Variants in ITPK1 observed in about 807,000 individuals in gnomAD.
The protein encoded by ITPK1 is inositol-tetrakisphosphate 1-kinase.
A neutral mutation model predicts 45.3 loss-of-function variants in ITPK1; 21 were observed. The ratio of observed to expected loss-of-function variants is 0.46; its 90% CI spans 0.33 to 0.67. The LOEUF is 0.67. Among genes scored for constraint, ITPK1 ranks in the 30% least tolerant of loss-of-function variants. The pLI is 0.02. For missense variants in ITPK1, 474 were observed against 573.5 expected (o/e 0.83, Z 1.77); for synonymous variants, 258 against 253.6 (o/e 1.02, Z -0.16).
At chr14:93,006,135 A>C (rs1408352559) in intron 4 of ITPK1, among the ~76,000 whole-genome samples, 1 of 152,162 alleles carries the variant, frequency 6.6e-6, no homozygotes, top group African/African-American at 2.4e-5. Flanking sequence ...AGGACTGCTG[A>C]GAGCCGAGCA....
Position 93,012,148 on chromosome 14 carries a change from C to T in ITPK1, c.246+4528G>A, listed in dbSNP as rs758219537. On this transcript the variant is annotated intron_variant, in intron 4 of 10. Transcript: ENST00000267615. This position sits in a 1 kb window ranked among gnomAD's most constrained non-coding sequence, Gnocchi z 4.9. Reference sequence around the variant, plus strand: ...CAGCGCATGACCAGCACTGGGCATGCGCCGCCACCCAAACACTTAGGCACT... The same window carrying T: ...CAGCGCATGACCAGCACTGGGCATGTGCCGCCACCCAAACACTTAGGCACT... 1.3e-5 allele frequency among the ~76,000 whole-genome samples: 2 copies of T among 152,182 alleles called. No individual in the cohort carries two copies. Among genetic ancestry groups the T allele is most frequent in the Non-Finnish European group, 2.9e-5 (2 of 68,026 alleles).
intron 5 of ITPK1, among the ~76,000 whole-genome samples, chr14:92,980,812 A>T (rs1470635879): frequency 6.6e-6 from 1 of 152,096 alleles, no homozygotes; most frequent in African/African-American, 2.4e-5. Context: ...AGTTCAAGCA[A>T]TTCTCCTGCC....
chr14:93,078,743 G>T (rs954717988), intron 2 of ITPK1, among the ~76,000 whole-genome samples: 17 of 152,098 alleles, frequency 1.1e-4, no homozygotes, highest in African/African-American at 4.1e-4. Context: ...CTGAGCACCT[G>T]TGGACACCTC....
chr14:93,068,120 A>C (rs1444038251), intron 3 of ITPK1: 3 of 153,078 alleles, frequency 2.0e-5, no homozygotes, highest in Non-Finnish European at 4.4e-5. Flanking sequence ...AATCATAACA[A>C]CAGATGAGTA....
At chr14:93,092,322 C>A (rs1395792080) in intron 2 of ITPK1, among the ~76,000 whole-genome samples, 3 of 152,206 alleles carry the variant, frequency 2.0e-5, no homozygotes, top group Non-Finnish European at 4.4e-5. Context: ...ATCCAGGCCT[C>A]CTGACCCCCA....
intron 4 of ITPK1, among the ~76,000 whole-genome samples, chr14:93,006,747 G>A (rs1887634273): frequency 1.3e-5 from 2 of 152,164 alleles, no homozygotes; most frequent in African/African-American, 4.8e-5. Flanking sequence ...TGGTGTTCAG[G>A]CCAAAAAATA....
intron 3 of ITPK1, among the ~76,000 whole-genome samples, chr14:93,030,691 A>G (rs1279228886): frequency 6.6e-6 from 1 of 152,170 alleles, no homozygotes; most frequent in Non-Finnish European, 1.5e-5. Flanking sequence ...CACTCGTCAG[A>G]GAAGGCCTGG....
chr14:93,003,069 G>A (rs961329828), intron 4 of ITPK1, among the ~76,000 whole-genome samples: 1 of 152,196 alleles, frequency 6.6e-6, no homozygotes, highest in Non-Finnish European at 1.5e-5. Flanking sequence ...GGAAGAGCGT[G>A]TCAGGGCCAG....
chr14:92,963,114 T>C lies in ITPK1; in HGVS notation c.365-265A>G, dbSNP rs548069527. On this transcript the variant is annotated intron_variant, in intron 5 of 10. Transcript: ENST00000267615. ...CCGAAGAGTACAGAAAAGTAAAAAA[T>C]GTACATATTGACAAGACATTACAAC... is the stretch of plus-strand genomic sequence containing the variant. 3.3e-5 allele frequency among the ~76,000 whole-genome samples: 5 copies of C among 152,294 alleles called. No homozygotes were observed. In the South Asian group the frequency reaches 8.3e-4, roughly 25 times the overall value.
intron 9 of ITPK1, among the ~76,000 whole-genome samples, chr14:92,947,989 C>T (rs922413159): frequency 4.6e-5 from 7 of 152,208 alleles, no homozygotes; most frequent in Non-Finnish European, 7.3e-5. Context: ...TCTATCCATA[C>T]GACGGAATAT....
intron 3 of ITPK1, among the ~76,000 whole-genome samples, chr14:93,073,896 C>A (rs1426435129): frequency 6.6e-6 from 1 of 152,156 alleles, no homozygotes; most frequent in African/African-American, 2.4e-5. Flanking sequence ...GGGAGACGCC[C>A]CTCAGGGACC....
At chr14:93,052,715 C>A (rs1890065720) in intron 3 of ITPK1, among the ~76,000 whole-genome samples, 1 of 152,214 alleles carries the variant, frequency 6.6e-6, no homozygotes, top group Non-Finnish European at 1.5e-5. Flanking sequence ...CACCCTCCCT[C>A]CAAACCCAGG....
intron 9 of ITPK1, among the ~76,000 whole-genome samples, chr14:92,951,417 T>G (rs990586606): frequency 1.3e-4 from 20 of 152,140 alleles, no homozygotes; most frequent in Non-Finnish European, 2.1e-4. Context: ...CCATGAGACC[T>G]GATTGCGACC....
Position 92,941,116 on chromosome 14 carries a change from G to A in ITPK1, c.*445C>T. ...AGGTCAGGGAGTGGGGAGTCAGGCA[G>A]AAGGGAAGCCACTCTCACATGCACC... On this transcript the variant is annotated 3_prime_UTR_variant, in exon 11 of 11. Transcript: ENST00000267615. The A allele has an allele frequency of 8.3e-7, 1 of 1,204,054 alleles. No individual in the cohort carries two copies. Among genetic ancestry groups the A allele is most frequent in the Non-Finnish European group, 1.1e-6 (1 of 951,562 alleles). 74.6% of individuals were successfully genotyped at this position (1,204,054 alleles called of 1,614,324 possible).
chr14:92,953,933 G>A (rs1325132348), intron 8 of ITPK1, among the ~76,000 whole-genome samples: 4 of 152,130 alleles, frequency 2.6e-5, no homozygotes, highest in African/African-American at 9.7e-5. Context: ...TCACTCTGTT[G>A]CCCAGGCTGG....
Position 92,962,806 on chromosome 14 carries a change from CAGGCTCGTG to C in ITPK1, c.399_407del (p.Thr134_Leu136del). The C allele has an allele frequency of 6.2e-7, 1 of 1,614,066 alleles. No homozygotes were observed. Among genetic ancestry groups the C allele is most frequent in the Non-Finnish European group, 8.5e-7 (1 of 1,179,964 alleles). ...GCAGCCGCATGGTGTCATCCCCGCA[CAGGCTCGTG>C]AGCTCCATGAAGGGTGGCGAGCAGA... On this transcript the variant is annotated inframe_deletion, in exon 6 of 11. Transcript: ENST00000267615.
intron 2 of ITPK1, among the ~76,000 whole-genome samples, chr14:93,082,906 C>T (rs973019812): frequency 1.3e-5 from 2 of 152,220 alleles, no homozygotes; most frequent in Non-Finnish European, 2.9e-5. Flanking sequence ...CGGCCAGACC[C>T]GGCCGCAGTG....
intron 2 of ITPK1, among the ~76,000 whole-genome samples, chr14:93,109,741 G>A (rs544607790): frequency 6.6e-6 from 1 of 152,314 alleles, no homozygotes; most frequent in African/African-American, 2.4e-5. Flanking sequence ...AGGCCACCAG[G>A]CAAGCCTGGG....
intron 3 of ITPK1, among the ~76,000 whole-genome samples, chr14:93,041,263 G>A (rs556291722): frequency 6.6e-6 from 1 of 152,160 alleles, no homozygotes; most frequent in African/African-American, 2.4e-5. Context: ...CAGGCCCTCT[G>A]TCCTACAAAG....
Sources: allele counts gnomAD v4.1 joint callset (sites outside exome capture counted in the v4.1 genomes callset), GRCh38; gene constraint gnomAD v4.1.1; non-coding constraint Gnocchi (gnomAD v3.1); transcripts MANE v1.5; gene names NCBI Gene and HGNC (gene_info 2026-07-23, HGNC 2026-07-21).